BRWD1: variants seen among roughly 807,000 people sequenced by gnomAD.
BRWD1 encodes bromodomain and WD repeat-containing protein 1.
In BRWD1, 82 loss-of-function variants were observed where a neutral mutation model predicts 251.2. That is an observed-to-expected ratio of 0.33 (90% CI 0.27 to 0.39). The LOEUF (loss-of-function observed/expected upper bound fraction) is 0.39, where lower values mean the gene tolerates loss of function less well. Ranked by LOEUF, BRWD1 falls within the 10% of genes least tolerant of loss-of-function variation. The probability of loss-of-function intolerance (pLI) is 1.00; values close to 1 mark genes in which losing one functional copy is unlikely to be tolerated. For missense variants in BRWD1, 2,233 were observed against 2,711.6 expected, an observed-to-expected ratio of 0.82 and a Z score of 3.92; for synonymous variants, 918 against 902.8, an observed-to-expected ratio of 1.02 and a Z score of -0.30.
intron 4 of BRWD1, among the ~76,000 whole-genome samples, chr21:39,310,048 G>C (rs1271200582): frequency 6.6e-6 from 1 of 152,206 alleles, no homozygotes; most frequent in Non-Finnish European, 1.5e-5. Context: ...AAACAAGGGA[G>C]CAGACAATAT....
At chr21:39,294,396 G>GC (rs1272009664) in intron 7 of BRWD1, among the ~76,000 whole-genome samples, 1 of 152,180 alleles carries the variant, frequency 6.6e-6, no homozygotes, top group East Asian at 1.9e-4. Context: ...AGTGGCTCAC[G>GC]CCTGTAATCC....
chr21:39,318,573 G>C (rs1401464778), upstream of BRWD1, among the ~76,000 whole-genome samples: 1 of 152,088 alleles, frequency 6.6e-6, no homozygotes, highest in East Asian at 1.9e-4. Flanking sequence ...ACAAAAACCT[G>C]GATCACTTCA....
In BRWD1 at chr21:39,194,189, G is replaced by A; in HGVS notation, c.*2070C>T. On this transcript the variant is annotated 3_prime_UTR_variant, in exon 41 of 41. Transcript: ENST00000342449. ...TAATCAGAATAGTTCTATTAATGAA[G>A]CCTAAACTGTCAAAATATTGTTTTA... 1 of 983,050 alleles carries A rather than the reference G, an allele frequency of 1.0e-6. No individual in the cohort carries two copies. The highest frequency in any genetic ancestry group is 4.7e-5 in the South Asian group (1 of 21,346). The allele number at this position is 983,050 out of a possible 1,614,324, so 60.9% of individuals were successfully genotyped here. A position where few individuals can be genotyped will look rare whatever the true frequency, so the allele number is the denominator to read the frequency against.
chr21:39,283,011 G>A (rs532997632), intron 8 of BRWD1, among the ~76,000 whole-genome samples: 3 of 149,066 alleles, frequency 2.0e-5, no homozygotes, highest in Admixed American at 6.7e-5. Flanking sequence ...GAAAGAATAT[G>A]TTTAAGTCAC....
intron 8 of BRWD1, among the ~76,000 whole-genome samples, chr21:39,281,690 C>A (rs755449712): frequency 1.3e-5 from 2 of 152,028 alleles, no homozygotes; most frequent in Non-Finnish European, 2.9e-5. Flanking sequence ...ATTAGCCGGG[C>A]ATGATGTTGG....
At chr21:39,306,360 C>G (rs2036289152) in intron 4 of BRWD1, among the ~76,000 whole-genome samples, 1 of 152,124 alleles carries the variant, frequency 6.6e-6, no homozygotes, top group South Asian at 2.1e-4. Context: ...TGAGCCACCG[C>G]ACCTGGCCTA....
At chr21:39,226,409 T>C (rs539465822) in intron 27 of BRWD1, among the ~76,000 whole-genome samples, 1 of 152,166 alleles carries the variant, frequency 6.6e-6, no homozygotes, top group Non-Finnish European at 1.5e-5. Context: ...GGTCCAATAA[T>C]TTCTCAACCA....
chr21:39,196,375 G>C lies in BRWD1; in HGVS notation c.6694C>G (p.Leu2232Val). ...CTCGTTTTTATTTTTGAACGTCGAA[G>C]AACTCTTTTAGATTTTGCATAGTCC... ...DLDYAKSKRV[L>V]RRSKIKTRNQ... The change falls in exon 41 of 41, where the codon CTT becomes GTT. Residue 2232 changes from leucine to valine, a missense_variant. Leu to Val is a conservative substitution (Grantham distance 32). This residue lies in a region of BRWD1 where 928 missense variants were observed against 970.0 expected (regional missense o/e 0.96). Transcript: ENST00000342449. 1 of 1,613,594 alleles carries C rather than the reference G, an allele frequency of 6.2e-7. No individual in the cohort carries two copies. The highest frequency in any genetic ancestry group is 1.1e-5 in the South Asian group (1 of 91,048).
chr21:39,282,750 G>T (rs1056409474), intron 8 of BRWD1, among the ~76,000 whole-genome samples: 2 of 152,018 alleles, frequency 1.3e-5, no homozygotes, highest in African/African-American at 4.8e-5. Flanking sequence ...CTGAGGTCAG[G>T]AGTTCAAGAC....
In BRWD1 at chr21:39,264,679, C is replaced by A; in HGVS notation, c.1666G>T (p.Asp556Tyr). ...GCSKPYEKIP[D>Y]QMFFHTDYRP... ...TAGTCAGTATGGAAGAACATCTGAT[C>A]AGGAATCTAGAAAAATGAAGTTCAC... The change falls in exon 17 of 41, where the codon GAT becomes TAT. Residue 556 changes from aspartate to tyrosine, a missense_variant. By Grantham distance (160) the Asp-to-Tyr change is radical (BLOSUM62 -3). Around this residue, in one of 12 missense-constraint regions of BRWD1, gnomAD observed 315 missense variants for 421.8 expected, o/e 0.75. Coordinates refer to ENST00000342449, the MANE Select transcript of BRWD1 (RefSeq NM_033656.4). 2 of 1,598,366 alleles carry A rather than the reference C, an allele frequency of 1.3e-6. No homozygotes were observed. Among genetic ancestry groups the A allele is most frequent in the South Asian group, 2.2e-5 (2 of 89,010 alleles).
At chr21:39,306,126 G>T (rs1047177068) in intron 4 of BRWD1, among the ~76,000 whole-genome samples, 2 of 150,128 alleles carry the variant, frequency 1.3e-5, no homozygotes, top group African/African-American at 4.9e-5. Flanking sequence ...CTGGAGTGCA[G>T]TGGTGCAATC....
chr21:39,268,104 G>T (rs2034982749), intron 15 of BRWD1, among the ~76,000 whole-genome samples: 1 of 152,066 alleles, frequency 6.6e-6, no homozygotes, highest in African/African-American at 2.4e-5. Context: ...ATCTTCAATG[G>T]ATCCAATACT....
intron 4 of BRWD1, among the ~76,000 whole-genome samples, chr21:39,310,655 C>T (rs1233254637): frequency 1.3e-5 from 2 of 152,032 alleles, no homozygotes; most frequent in Non-Finnish European, 1.5e-5. Flanking sequence ...CGGTGCATTA[C>T]ATTATTCTCA....
intron 8 of BRWD1, among the ~76,000 whole-genome samples, chr21:39,293,301 T>A (rs987611514): frequency 4.6e-5 from 7 of 152,126 alleles, no homozygotes; most frequent in Admixed American, 3.9e-4. Context: ...GAGACCAGCC[T>A]GCCCAACATG....
At chr21:39,252,849 TTAAAG>T (rs1438607310) in intron 19 of BRWD1, among the ~76,000 whole-genome samples, 1 of 152,232 alleles carries the variant, frequency 6.6e-6, no homozygotes, top group African/African-American at 2.4e-5. Context: ...ACATGGCTAC[TTAAAG>T]TAAGTTCCTT....
At chr21:39,213,284 TTAGA>T (rs929229701) in intron 33 of BRWD1, among the ~76,000 whole-genome samples, 193 bp downstream of exon 33, 8 of 152,332 alleles carry the variant, frequency 5.3e-5, no homozygotes, top group Non-Finnish European at 8.8e-5. Flanking sequence ...AGTTATTCAC[TTAGA>T]TATATTTTGA....
At chr21:39,278,896 A>T in intron 9 of BRWD1, 83 bp from the exon 10 acceptor site, 2 of 1,060,182 alleles carry the variant, frequency 1.9e-6, no homozygotes, top group Non-Finnish European at 2.6e-6. Flanking sequence ...AATCTAGCAT[A>T]TTTAAATATT....
Position 39,196,294 on chromosome 21 carries a change from C to G in BRWD1, c.6775G>C (p.Glu2259Gln), listed in dbSNP as rs2031807056. The G allele has an allele frequency of 6.2e-7, 1 of 1,608,076 alleles. No homozygotes were observed. Among genetic ancestry groups the G allele is most frequent in the Non-Finnish European group, 8.5e-7 (1 of 1,177,478 alleles). ...CAACCATTGAAATCTAACACATTTTCTAAACTTCTGTCATCATCCCCATCA... is the reference window on the plus strand; with the variant it reads ...CAACCATTGAAATCTAACACATTTTGTAAACTTCTGTCATCATCCCCATCA... ...YHDGDDDRSL[E>Q]NVLDFNGCTL Residue 2259 changes from glutamate to glutamine, a missense_variant, in exon 41 of 41, where the codon GAA becomes CAA. Glu to Gln is a conservative substitution (Grantham distance 29). This residue lies in a region of BRWD1 where 928 missense variants were observed against 970.0 expected (regional missense o/e 0.96). Coordinates refer to ENST00000342449, the MANE Select transcript of BRWD1 (RefSeq NM_033656.4).
In BRWD1 at chr21:39,225,169, A is replaced by ATCATCAAT; in HGVS notation, c.3229_3236dup (p.Asp1079GlufsTer12). ...TTAACACTGTTCCAAACCACCAAGC[A>ATCATCAAT]TCATCAATAATAGAGCGGAATCTGT... On this transcript the variant is annotated frameshift_variant, in exon 28 of 41. Coordinates refer to ENST00000342449, the MANE Select transcript of BRWD1 (RefSeq NM_033656.4). LOFTEE classifies it high-confidence loss of function. 1.2e-6 allele frequency: 2 copies of ATCATCAAT among 1,613,240 alleles called. No individual in the cohort carries two copies. Among genetic ancestry groups the ATCATCAAT allele is most frequent in the Non-Finnish European group, 1.7e-6 (2 of 1,179,388 alleles).
Sources: gnomAD v4.1 joint callset for allele counts (sites outside exome capture counted in the v4.1 genomes callset) on GRCh38, gnomAD v4.1.1 for gene constraint, gnomAD v4.1.1 regional missense constraint, MANE v1.5 for transcripts, NCBI Gene and HGNC (gene_info 2026-07-23, HGNC 2026-07-21) for gene names.